ATP2B2: variants seen among roughly 807,000 people sequenced by gnomAD.
ATP2B2 encodes ATPase plasma membrane Ca2+ transporting 2.
Under a neutral mutation model 120.0 loss-of-function variants are expected in ATP2B2, and 15 were observed. The observed-to-expected ratio is 0.12, with a 90% CI of 0.08 to 0.19. The LOEUF (loss-of-function observed/expected upper bound fraction) is 0.19. Among genes scored for constraint, ATP2B2 ranks in the 10% least tolerant of loss-of-function variants. The pLI, the probability that ATP2B2 is intolerant of heterozygous loss-of-function variation, is 1.00. For synonymous variants in ATP2B2, 694 were observed against 700.3 expected (o/e 0.99, Z 0.14); for missense variants, 1,045 against 1,719.8 (o/e 0.61, Z 6.94).
intron 12 of ATP2B2, among the ~76,000 whole-genome samples, chr3:10,366,344 C>T (rs541576395): frequency 1.6e-4 from 25 of 152,282 alleles, no homozygotes; most frequent in Middle Eastern, 3.4e-3. Flanking sequence ...TTATTGGCCT[C>T]GTGGCCACCT....
At chr3:10,511,334 C>T (rs2066757565) in intron 3 of ATP2B2, among the ~76,000 whole-genome samples, 1 of 152,096 alleles carries the variant, frequency 6.6e-6, no homozygotes, top group South Asian at 2.1e-4. Context: ...TCTGTGTTGT[C>T]CATCTGGCTG....
intron 1 of ATP2B2, among the ~76,000 whole-genome samples, chr3:10,657,311 T>C (rs924437213): frequency 1.3e-5 from 2 of 152,194 alleles, no homozygotes; most frequent in Non-Finnish European, 2.9e-5. Flanking sequence ...ACCTTCTCCA[T>C]CTGAAAATTC....
In ATP2B2 at chr3:10,575,224, A is replaced by G. The variant is rs2068217122; in HGVS notation, c.-414-41091T>C. On this transcript the variant is annotated intron_variant, in intron 2 of 21. Transcript: ENST00000646379. The stretch of plus-strand genomic sequence containing the variant: ...ACCAGAAAAAGCCATCTGGATCACA[A>G]TTCAGAATTGCTGGGCAGAGGGTGT... Among the ~76,000 whole-genome samples, 3 of 152,168 alleles carry G rather than the reference A, an allele frequency of 2.0e-5. No homozygotes were observed. The South Asian group carries it at 6.2e-4, about 32-fold the overall frequency.
In ATP2B2 at chr3:10,340,129, G is replaced by C. The variant is rs1162636719; in HGVS notation, c.3237+113C>G. The C allele has an allele frequency of 2.1e-6, 2 of 969,118 alleles. No individual in the cohort carries two copies. The highest frequency in any genetic ancestry group is 3.2e-6 in the Non-Finnish European group (2 of 621,004). The allele number at this position is 969,118 out of a possible 1,614,324, so 60.0% of individuals were successfully genotyped here. On this transcript the variant is annotated intron_variant, in intron 21 of 22. Transcript: ENST00000360273. This position sits in a 1 kb window ranked among gnomAD's most constrained non-coding sequence, Gnocchi z 5.0. ...CCTTGCTCAGATGTCCAGAGATAGG[G>C]AGGAGCTTGCCTGGGGTCTGGCAGC...
intron 2 of ATP2B2, among the ~76,000 whole-genome samples, chr3:10,561,346 T>G (rs1168865219): frequency 6.6e-6 from 1 of 152,200 alleles, no homozygotes; most frequent in Non-Finnish European, 1.5e-5. Context: ...CTGCCTTTCA[T>G]GAGACATGTG....
chr3:10,670,726 A>G (rs1355310085), intron 1 of ATP2B2, among the ~76,000 whole-genome samples: 1 of 152,182 alleles, frequency 6.6e-6, no homozygotes, highest in Non-Finnish European at 1.5e-5. Context: ...CGGCCCTGAT[A>G]TTAGTTTTTA....
chr3:10,550,413 G>T (rs1458258515), intron 2 of ATP2B2, among the ~76,000 whole-genome samples: 8 of 152,162 alleles, frequency 5.3e-5, no homozygotes, highest in African/African-American at 1.9e-4. Context: ...AATAAATTTT[G>T]ATTTTTCCCT....
intron 1 of ATP2B2, among the ~76,000 whole-genome samples, chr3:10,648,564 C>T (rs1053538111): frequency 6.6e-6 from 1 of 152,160 alleles, no homozygotes; most frequent in Non-Finnish European, 1.5e-5. Context: ...ATTGATATTT[C>T]CACCTGGACA....
chr3:10,706,710 G>A (rs2071901757), intron 1 of ATP2B2, among the ~76,000 whole-genome samples: 2 of 151,908 alleles, frequency 1.3e-5, no homozygotes, highest in Non-Finnish European at 2.9e-5. Context: ...GCATAACAGT[G>A]AGAACTTTAA....
intron 2 of ATP2B2, among the ~76,000 whole-genome samples, chr3:10,550,780 A>C (rs2067651629): frequency 6.6e-6 from 1 of 152,192 alleles, no homozygotes; most frequent in Admixed American, 6.5e-5. Context: ...AAGAGTTTTA[A>C]ATAGTAGGAA....
chr3:10,381,399 A>C (rs1050293725), intron 8 of ATP2B2, among the ~76,000 whole-genome samples: 9 of 152,216 alleles, frequency 5.9e-5, no homozygotes, highest in Admixed American at 2.6e-4. Flanking sequence ...TGGTTTTAGA[A>C]GGCTCAAAGG....
intron 14 of ATP2B2, 35 bp from the exon 15 acceptor site, chr3:10,350,612 C>A: frequency 6.2e-7 from 1 of 1,600,130 alleles, no homozygotes; most frequent in Non-Finnish European, 8.5e-7. Context: ...GGGGAGGGCA[C>A]CACCTCAGGC....
chr3:10,517,226 G>A (rs899690325), intron 3 of ATP2B2, among the ~76,000 whole-genome samples: 16 of 152,222 alleles, frequency 1.1e-4, no homozygotes, highest in Non-Finnish European at 7.3e-5. Context: ...GGTCTACACC[G>A]AGGAGCTGAG....
At chr3:10,694,490 T>C (rs1180233486) in intron 1 of ATP2B2, among the ~76,000 whole-genome samples, 1 of 152,200 alleles carries the variant, frequency 6.6e-6, no homozygotes, top group Non-Finnish European at 1.5e-5. Flanking sequence ...CAATAGTTTG[T>C]TCCTTCTTAT....
At chr3:10,630,208 T>C (rs2125636979) in intron 1 of ATP2B2, among the ~76,000 whole-genome samples, 1 of 152,368 alleles carries the variant, frequency 6.6e-6, no homozygotes, top group East Asian at 1.9e-4. Flanking sequence ...TGCATGTTTG[T>C]TACATAGGTA....
intron 2 of ATP2B2, among the ~76,000 whole-genome samples, chr3:10,418,777 C>T (rs776238784): frequency 8.5e-5 from 13 of 152,342 alleles, no homozygotes; most frequent in African/African-American, 2.6e-4. Context: ...ACAATAATCA[C>T]GTCCCCCAAA....
chr3:10,411,721 G>C (rs1355890984), intron 2 of ATP2B2, among the ~76,000 whole-genome samples: 1 of 152,198 alleles, frequency 6.6e-6, no homozygotes, highest in Non-Finnish European at 1.5e-5. Flanking sequence ...GAACAGAGCA[G>C]CTCACCAGAC....
upstream of ATP2B2, among the ~76,000 whole-genome samples, chr3:10,508,310 G>T (rs2066688921): frequency 6.6e-6 from 1 of 152,186 alleles, no homozygotes; most frequent in South Asian, 2.1e-4. Context: ...CTCAAATTCT[G>T]CTTCCCCAGA....
chr3:10,378,192 G>C, intron 10 of ATP2B2, 60 bp downstream of exon 10: 1 of 1,581,070 alleles, frequency 6.3e-7, no homozygotes, highest in Admixed American at 1.7e-5. Flanking sequence ...GCATGGGGCA[G>C]GGCTCTGCCT....
Sources: gnomAD v4.1 joint callset for allele counts (sites outside exome capture counted in the v4.1 genomes callset) on GRCh38, gnomAD v4.1.1 for gene constraint, Gnocchi (gnomAD v3.1) non-coding constraint, MANE v1.5 for transcripts, NCBI Gene and HGNC (gene_info 2026-07-23, HGNC 2026-07-21) for gene names.